Variants in CCDC192 observed in about 807,000 individuals in gnomAD.
CCDC192 encodes the protein coiled-coil domain containing 192, also known as coiled-coil domain-containing protein 192.
intron 6 of CCDC192, among the ~76,000 whole-genome samples, chr5:127,897,681 G>A (rs1033559964): frequency 6.6e-6 from 1 of 152,010 alleles, no homozygotes; most frequent in African/African-American, 2.4e-5. Context: ...TTCCTCTTAG[G>A]AATTAGCCTT....
chr5:127,762,341 A>C (rs954719520), intron 3 of CCDC192, among the ~76,000 whole-genome samples: 1 of 152,242 alleles, frequency 6.6e-6, no homozygotes, highest in African/African-American at 2.4e-5. Context: ...CAATTTGGCT[A>C]GCCAGAGTTC....
chr5:127,889,112 C>A (rs184184433), intron 6 of CCDC192, among the ~76,000 whole-genome samples: 40 of 152,314 alleles, frequency 2.6e-4, no homozygotes, highest in African/African-American at 9.1e-4. Context: ...GAATTCACAT[C>A]AGAATAAATG....
intron 5 of CCDC192, among the ~76,000 whole-genome samples, chr5:127,837,563 A>G (rs1750079070): frequency 1.1e-4 from 2 of 18,162 alleles, no homozygotes; most frequent in Non-Finnish European, 1.6e-4. Context: ...GTGGGGACAA[A>G]AAGCCTAACC....
rs34046354 is a variant in CCDC192 at position 127,862,928 on chromosome 5, T to TA, written c.412-12590dup. On this transcript the variant is annotated intron_variant, in intron 5 of 6. Transcript: ENST00000514853. ...CAGTAGCATAGACTGTTCCTTTATT[T>TA]AAAAAAAAAAAAAAAAAAAAGGAGG... Among the ~76,000 whole-genome samples, 706 of 134,292 alleles carry TA rather than the reference T, an allele frequency of 5.3e-3. 5 individuals carry two copies. Among genetic ancestry groups the TA allele is most frequent in the African/African-American group, 0.012 (431 of 36,368 alleles). The allele number at this position is 134,292 out of a possible 152,430, so 88.1% of individuals were successfully genotyped here.
chr5:127,891,271 C>G (rs1752723044), intron 6 of CCDC192, among the ~76,000 whole-genome samples: 1 of 152,152 alleles, frequency 6.6e-6, no homozygotes, highest in Non-Finnish European at 1.5e-5. Flanking sequence ...CCGGGCTGGT[C>G]TTGAACTCCT....
chr5:127,907,684 A>G (rs1193225870), intron 6 of CCDC192, among the ~76,000 whole-genome samples: 1 of 152,210 alleles, frequency 6.6e-6, no homozygotes, highest in Non-Finnish European at 1.5e-5. Flanking sequence ...AATTTTCATT[A>G]TATCTGTCTG....
chr5:127,912,279 CG>C (rs928695228), intron 6 of CCDC192, among the ~76,000 whole-genome samples: 7 of 151,858 alleles, frequency 4.6e-5, no homozygotes, highest in Non-Finnish European at 7.4e-5. Context: ...AGCAAGGAAA[CG>C]CTACTGACAG....
intron 5 of CCDC192, among the ~76,000 whole-genome samples, chr5:127,806,782 G>A (rs1757809999): frequency 6.6e-6 from 1 of 151,926 alleles, no homozygotes; most frequent in Non-Finnish European, 1.5e-5. Flanking sequence ...TACTATTACT[G>A]TAAGAATCTA....
At chr5:127,791,360 A>G (rs565171773) in intron 3 of CCDC192, among the ~76,000 whole-genome samples, 3 of 152,372 alleles carry the variant, frequency 2.0e-5, no homozygotes, top group Admixed American at 2.0e-4. Flanking sequence ...GGGTACTGAT[A>G]TATTTTGGAA....
chr5:127,901,638 A>C lies in CCDC192; in HGVS notation c.535+25977A>C, dbSNP rs750506916. ...CGCTTCAGGGAAAGCCTAACGGAAA[A>C]GTATGGCATCCAAGAATCTTCTCTT... On this transcript the variant is annotated intron_variant, in intron 6 of 6. Transcript: ENST00000514853. Among the ~76,000 whole-genome samples, 11 of 152,208 alleles carry C rather than the reference A, an allele frequency of 7.2e-5. 1 individual carries two copies. Among genetic ancestry groups the C allele is most frequent in the Non-Finnish European group, 1.3e-4 (9 of 68,036 alleles).
intron 2 of CCDC192, among the ~76,000 whole-genome samples, chr5:127,719,560 C>T (rs903212980): frequency 0.15 from 1,827 of 11,960 alleles, 103 homozygotes; most frequent in African/African-American, 0.24. Flanking sequence ...TATATATATA[C>T]ACACATACAT....
At chr5:127,780,735 A>C (rs758968164) in intron 3 of CCDC192, among the ~76,000 whole-genome samples, 2 of 152,044 alleles carry the variant, frequency 1.3e-5, no homozygotes, top group African/African-American at 4.8e-5. Context: ...CCTTTGTCAG[A>C]TGTATAGATT....
intron 3 of CCDC192, among the ~76,000 whole-genome samples, chr5:127,790,531 G>A (rs1428638746): frequency 6.6e-6 from 1 of 151,484 alleles, no homozygotes; most frequent in Non-Finnish European, 1.5e-5. Context: ...TTTTCTTACT[G>A]TACTAATGAG....
At chr5:127,865,178 A>G (rs1266316046) in intron 5 of CCDC192, among the ~76,000 whole-genome samples, 1 of 152,154 alleles carries the variant, frequency 6.6e-6, no homozygotes, top group African/African-American at 2.4e-5. Flanking sequence ...AACTATATAT[A>G]AATCTAAATA....
chr5:127,707,948 G>A (rs1441004892), intron 2 of CCDC192, among the ~76,000 whole-genome samples, 188 bp downstream of exon 2: 1 of 152,058 alleles, frequency 6.6e-6, no homozygotes, highest in Non-Finnish European at 1.5e-5. Flanking sequence ...GTGGGGTGGA[G>A]TGGTAACTAT....
intron 1 of CCDC192, among the ~76,000 whole-genome samples, chr5:127,706,162 T>C (rs1230370453): frequency 6.6e-6 from 1 of 152,094 alleles, no homozygotes; most frequent in African/African-American, 2.4e-5. Context: ...CACAGAAATA[T>C]GGAAATAAAA....
intron 2 of CCDC192, among the ~76,000 whole-genome samples, chr5:127,728,181 G>T (rs1015217086): frequency 1.3e-5 from 2 of 151,988 alleles, no homozygotes; most frequent in Non-Finnish European, 2.9e-5. Context: ...TCAAAGTTAG[G>T]AAATCCAGAG....
At chr5:127,711,508 A>G (rs1165390727) in intron 2 of CCDC192, among the ~76,000 whole-genome samples, 3 of 152,194 alleles carry the variant, frequency 2.0e-5, no homozygotes, top group Admixed American at 6.5e-5. Context: ...GTCAAATTAT[A>G]TAAATTCTGT....
intron 6 of CCDC192, among the ~76,000 whole-genome samples, chr5:127,920,618 C>T (rs147749987): frequency 0.028 from 4,224 of 151,866 alleles, 209 homozygotes; most frequent in African/African-American, 0.094. Context: ...ACCATGTTGG[C>T]CAGGCTGGTC....
Sources: gnomAD v4.1 joint callset for allele counts (sites outside exome capture counted in the v4.1 genomes callset) on GRCh38, gnomAD v4.1.1 for gene constraint, MANE v1.5 for transcripts, NCBI Gene and HGNC (gene_info 2026-07-23, HGNC 2026-07-21) for gene names.